E2F5: variants seen among roughly 807,000 people sequenced by gnomAD.
The protein encoded by E2F5 is transcription factor E2F5.
A neutral mutation model predicts 39.1 loss-of-function variants in E2F5; 23 were observed. The observed-to-expected ratio is 0.59, with a 90% CI of 0.42 to 0.83. The LOEUF (loss-of-function observed/expected upper bound fraction) is 0.83, where lower values mean the gene tolerates loss of function less well. E2F5 is among the 40% of genes least tolerant of loss of function. The probability of loss-of-function intolerance (pLI) is 0.00; values close to 1 mark genes in which losing one functional copy is unlikely to be tolerated. For missense variants in E2F5, 365 were observed against 406.7 expected (o/e 0.90, Z 0.88); for synonymous variants, 145 against 157.8 (o/e 0.92, Z 0.61).
At chr8:85,197,501 G>C (rs1275413398) in intron 1 of E2F5, among the ~76,000 whole-genome samples, 2 of 152,188 alleles carry the variant, frequency 1.3e-5, no homozygotes, top group Non-Finnish European at 2.9e-5. Flanking sequence ...TTTGTCTTGA[G>C]CACCTCTTAG....
intron 7 of E2F5, 90 bp from the exon 8 acceptor site, chr8:85,213,663 T>C: frequency 1.5e-6 from 1 of 660,308 alleles, no homozygotes; most frequent in South Asian, 2.0e-5. Flanking sequence ...AGACTTTAAT[T>C]TGGAATGATG....
chr8:85,198,592 T>C (rs963676423), intron 1 of E2F5, among the ~76,000 whole-genome samples: 1 of 152,230 alleles, frequency 6.6e-6, no homozygotes, highest in Non-Finnish European at 1.5e-5. Flanking sequence ...ACAGCAATAC[T>C]TGATATGGTC....
intron 1 of E2F5, among the ~76,000 whole-genome samples, chr8:85,198,843 GCA>G (rs1812634501): frequency 6.6e-6 from 1 of 152,248 alleles, no homozygotes; most frequent in Non-Finnish European, 1.5e-5. Context: ...TCTCCCCTAA[GCA>G]CACACTCTCG....
intron 1 of E2F5, among the ~76,000 whole-genome samples, chr8:85,188,899 T>A (rs1363011223): frequency 6.6e-6 from 1 of 152,178 alleles, no homozygotes; most frequent in Non-Finnish European, 1.5e-5. Flanking sequence ...CTTACCCTCT[T>A]CAATGTGACT....
Position 85,209,243 on chromosome 8 carries a change from G to A in E2F5, c.717G>A (p.Val239=), listed in dbSNP as rs959321362. 5.6e-6 allele frequency: 9 copies of A among 1,613,822 alleles called. No homozygotes were observed. In the Admixed American group the frequency reaches 1.3e-4, roughly 24 times the overall value. The change falls in exon 6 of 8, where the codon GTG becomes GTA. Residue 239 remains valine (V), a synonymous_variant. Coordinates refer to ENST00000416274, the MANE Select transcript of E2F5 (RefSeq NM_001951.4). Reference sequence around the variant, plus strand: ...AAGAGTCGAGTTCATCTAAGCCCGTGGTTTTTCCTGTTCCCCCACCTGATG... The same window carrying A: ...AAGAGTCGAGTTCATCTAAGCCCGTAGTTTTTCCTGTTCCCCCACCTGATG... ...INKESSSSKP[V]VFPVPPPDDL...
intron 6 of E2F5, among the ~76,000 whole-genome samples, chr8:85,211,943 GATA>G (rs1812933902): frequency 6.6e-6 from 1 of 151,960 alleles, no homozygotes; most frequent in Admixed American, 6.6e-5. Flanking sequence ...ATGCCTGGCA[GATA>G]ATGAGTCTTT....
intron 1 of E2F5, chr8:85,177,891 C>A: frequency 1.6e-6 from 1 of 627,752 alleles, no homozygotes; most frequent in Non-Finnish European, 2.1e-6. Flanking sequence ...CGGCGCCACG[C>A]TGGGCTCTCG....
intron 1 of E2F5, among the ~76,000 whole-genome samples, chr8:85,194,281 G>A (rs2129684209): frequency 6.6e-6 from 1 of 152,184 alleles, no homozygotes; most frequent in South Asian, 2.1e-4. Context: ...GGCAGTTAAT[G>A]AAGACAGCTA....
At chr8:85,202,952 A>T (rs1812724811) in intron 2 of E2F5, 142 bp from the exon 3 acceptor site, 1 of 563,940 alleles carries the variant, frequency 1.8e-6, no homozygotes, top group East Asian at 3.9e-5. Context: ...AAAATTTTTA[A>T]GGATTTTAGT....
intron 1 of E2F5, among the ~76,000 whole-genome samples, chr8:85,183,352 G>A (rs183310644): frequency 2.1e-4 from 32 of 152,326 alleles, no homozygotes; most frequent in Non-Finnish European, 3.8e-4. Context: ...GTAGGACAGC[G>A]AGAACTTTAG....
intron 4 of E2F5, among the ~76,000 whole-genome samples, chr8:85,207,106 T>A (rs1447699862): frequency 2.6e-5 from 4 of 152,210 alleles, no homozygotes; most frequent in African/African-American, 9.6e-5. Context: ...ACAGTGTTAT[T>A]TGAGGCTAAA....
At chr8:85,181,492 G>A (rs1417060388) in intron 1 of E2F5, among the ~76,000 whole-genome samples, 2 of 149,612 alleles carry the variant, frequency 1.3e-5, no homozygotes, top group African/African-American at 4.9e-5. Context: ...CACCACGCCC[G>A]GCTAGTTTTG....
At chr8:85,212,574 A>G (rs1364375613) in intron 7 of E2F5, 1 of 167,764 alleles carries the variant, frequency 6.0e-6, no homozygotes, top group African/African-American at 2.4e-5. Context: ...CAAGCTGCCA[A>G]TGGGAAGTCA....
intron 3 of E2F5, among the ~76,000 whole-genome samples, chr8:85,205,611 C>G (rs1341827837): frequency 6.6e-6 from 1 of 152,148 alleles, no homozygotes; most frequent in Non-Finnish European, 1.5e-5. Flanking sequence ...CAAGGAAACC[C>G]CAATAAAAGC....
intron 7 of E2F5, 194 bp from the exon 8 acceptor site, chr8:85,213,559 A>G: frequency 3.4e-6 from 1 of 292,988 alleles, no homozygotes; most frequent in Non-Finnish European, 6.3e-6. Flanking sequence ...AAAAAAAAAA[A>G]AAGAAAAAAT....
chr8:85,201,556 C>A (rs900559822), intron 1 of E2F5, among the ~76,000 whole-genome samples: 2 of 152,138 alleles, frequency 1.3e-5, no homozygotes, highest in African/African-American at 4.8e-5. Flanking sequence ...GTTGCTAGTG[C>A]AATCTTGAGC....
intron 1 of E2F5, among the ~76,000 whole-genome samples, chr8:85,191,580 T>C (rs557758003): frequency 6.6e-6 from 1 of 152,336 alleles, no homozygotes; most frequent in Non-Finnish European, 1.5e-5. Context: ...AAAAATTTTG[T>C]TTTGTCTTAA....
At chr8:85,208,364 A>G (rs1289087855) in intron 5 of E2F5, among the ~76,000 whole-genome samples, 1 of 152,226 alleles carries the variant, frequency 6.6e-6, no homozygotes, top group Non-Finnish European at 1.5e-5. Flanking sequence ...TACAATTGAT[A>G]TAAAAATTGC....
At chr8:85,181,573 T>A (rs574050584) in intron 1 of E2F5, among the ~76,000 whole-genome samples, 3 of 148,170 alleles carry the variant, frequency 2.0e-5, no homozygotes, top group Non-Finnish European at 4.5e-5. Context: ...TCTTCTGACC[T>A]CGTGATCCTC....
Sources: allele counts gnomAD v4.1 joint callset (sites outside exome capture counted in the v4.1 genomes callset), GRCh38; gene constraint gnomAD v4.1.1; transcripts MANE v1.5; gene names NCBI Gene and HGNC (gene_info 2026-07-23, HGNC 2026-07-21).